The following SPINK6 variants were observed in gnomAD, a reference collection of about 807,000 sequenced individuals.
SPINK6 encodes serine peptidase inhibitor Kazal type 6.
SPINK6 carries 13 observed loss-of-function variants against 11.7 expected under a neutral mutation model. The observed-to-expected ratio is 1.11, with a 90% CI of 0.72 to 1.76. The LOEUF is 1.76. Among genes scored for constraint, SPINK6 ranks in the 40% most tolerant of loss-of-function variants. The probability of loss-of-function intolerance (pLI) is 0.00; values close to 1 mark genes in which losing one functional copy is unlikely to be tolerated. For synonymous variants in SPINK6, 21 were observed against 31.9 expected (o/e 0.66, Z 1.15); for missense variants, 98 against 93.7 (o/e 1.05, Z -0.19).
At chr5:148,214,090 C>A (rs1043882622) in intron 3 of SPINK6, 65 bp downstream of exon 3, 1 of 994,720 alleles carries the variant, frequency 1.0e-6, no homozygotes, top group Non-Finnish European at 1.5e-6. Context: ...GACTAAGACA[C>A]TTTTTCGAGG....
intron 2 of SPINK6, 138 bp downstream of exon 2, chr5:148,206,196 T>G: frequency 1.3e-6 from 1 of 785,274 alleles, no homozygotes; most frequent in South Asian, 1.9e-5. Context: ...CAGCAGAAAT[T>G]ATTATTCTTT....
At chr5:148,209,992 A>ACACACGTACGTATGTATGTATACG in intron 2 of SPINK6, among the ~76,000 whole-genome samples, 1 of 145,764 alleles carries the variant, frequency 6.9e-6, no homozygotes, top group Admixed American at 6.8e-5. Context: ...ATGTATACAT[A>ACACACGTACGTATGTATGTATACG]TACACGTATG....
chr5:148,205,120 CCTTAT>C (rs1406503222), intron 1 of SPINK6, among the ~76,000 whole-genome samples: 1 of 152,150 alleles, frequency 6.6e-6, no homozygotes, highest in Non-Finnish European at 1.5e-5. Flanking sequence ...CTTGTTTTCT[CCTTAT>C]CTTTATTATT....
rs1398978551 is a variant in SPINK6, at chr5:148,209,991, T to TACACACGTATGTATGTATGTATAC, written c.82-3918_82-3917insCACACGTATGTATGTATGTATACA. ...ACATACGTACGTATGTATGTATACA[T>TACACACGTATGTATGTATGTATAC]ATACACGTATGTATACATGTATGTA... On this transcript the variant is annotated intron_variant, in intron 2 of 3. Transcript: ENST00000325630. Among the ~76,000 whole-genome samples the TACACACGTATGTATGTATGTATAC allele has an allele frequency of 4.8e-5, 7 of 145,400 alleles. 1 individual carries two copies. The highest frequency in any genetic ancestry group is 7.6e-5 in the Non-Finnish European group (5 of 65,970).
chr5:148,207,790 T>C (rs1755519897), intron 2 of SPINK6, among the ~76,000 whole-genome samples: 1 of 152,210 alleles, frequency 6.6e-6, no homozygotes, highest in South Asian at 2.1e-4. Context: ...ATTGTGCCAC[T>C]GCAGAGTGTT....
At position 148,203,084 on chromosome 5, in the gene SPINK6, G is replaced by C; in HGVS notation, c.-13G>C. On this transcript the variant is annotated 5_prime_UTR_variant, in exon 1 of 4. Coordinates refer to ENST00000325630, the MANE Select transcript of SPINK6 (RefSeq NM_205841.4). ...GACAAAGCAGCCTTGATCTGAGTGA[G>C]CTAACTGACACAATGAAACTGTCAG... The C allele has an allele frequency of 6.2e-7, 1 of 1,606,214 alleles. No individual in the cohort carries two copies.
chr5:148,213,021 T>C (rs1561733998), intron 2 of SPINK6, among the ~76,000 whole-genome samples: 1 of 149,314 alleles, frequency 6.7e-6, no homozygotes, highest in East Asian at 2.0e-4. Context: ...AGAGATAGAG[T>C]ATATATATAC....
chr5:148,205,226 T>C (rs550270257), intron 1 of SPINK6, among the ~76,000 whole-genome samples: 115 of 152,178 alleles, frequency 7.6e-4, no homozygotes, highest in Admixed American at 2.6e-3. Flanking sequence ...CTCTCTCTCA[T>C]TGCAGTGCTC....
intron 2 of SPINK6, among the ~76,000 whole-genome samples, chr5:148,209,052 T>G (rs1341792456): frequency 2.6e-5 from 4 of 152,344 alleles, no homozygotes; most frequent in South Asian, 4.1e-4. Flanking sequence ...GCTTGTATTT[T>G]AAGATAAGAA....
At chr5:148,204,211 C>G (rs1755469702) in intron 1 of SPINK6, among the ~76,000 whole-genome samples, 1 of 151,684 alleles carries the variant, frequency 6.6e-6, no homozygotes, top group Non-Finnish European at 1.5e-5. Flanking sequence ...ATTACAAAAA[C>G]AAATACACTT....
Position 148,214,009 on chromosome 5 carries a change from T to C in SPINK6, c.181T>C (p.Phe61Leu), listed in dbSNP as rs1755650160. 2 of 1,607,382 alleles carry C rather than the reference T, an allele frequency of 1.2e-6. No homozygotes were observed. Among genetic ancestry groups the C allele is most frequent in the African/African-American group, 2.7e-5 (2 of 74,934 alleles). ...DGQTYGNKCA[F>L]CKAIVKSGGK... ...CCAGACATATGGCAATAAATGTGCC[T>C]TCTGTAAGGCCATAGTGTAAGTATT... The change falls in exon 3 of 4, where the codon TTC (phenylalanine) becomes CTC (leucine). Residue 61 changes from phenylalanine to leucine, a missense_variant. Coordinates refer to ENST00000325630, the MANE Select transcript of SPINK6 (RefSeq NM_205841.4).
intron 2 of SPINK6, among the ~76,000 whole-genome samples, chr5:148,211,185 T>C (rs1240804415): frequency 6.6e-6 from 1 of 152,150 alleles, no homozygotes; most frequent in Non-Finnish European, 1.5e-5. Context: ...CATATTAAAA[T>C]GTCTCATAGA....
Position 148,214,822 on chromosome 5 carries a change from G to A in SPINK6, c.198-83G>A, listed in dbSNP as rs77880669. ...AGAATCAAATAATTAAATGGACCAT[G>A]CCATTGTTAAATATGTTTAGAACTT... On this transcript the variant is annotated intron_variant, in intron 3 of 3. Coordinates refer to ENST00000325630, the MANE Select transcript of SPINK6 (RefSeq NM_205841.4). The A allele has an allele frequency of 8.6e-3, 8,864 of 1,035,766 alleles. 605 individuals are homozygous for A. In the East Asian group the frequency reaches 0.16, roughly 19 times the overall value. The allele number at this position is 1,035,766 out of a possible 1,614,324, so 64.2% of individuals were successfully genotyped here. A position where few individuals can be genotyped will look rare whatever the true frequency, so the allele number is the denominator to read the frequency against.
At chr5:148,213,336 C>T (rs181918206) in intron 2 of SPINK6, among the ~76,000 whole-genome samples, 219 of 152,018 alleles carry the variant, frequency 1.4e-3, no homozygotes, top group Middle Eastern at 3.4e-3. Flanking sequence ...CTCAGCCTCC[C>T]GAGGTGCCCG....
At chr5:148,213,428 TG>T (rs55964430) in intron 2 of SPINK6, among the ~76,000 whole-genome samples, 113,800 of 151,786 alleles carry the variant, frequency 0.75, 47,162 homozygotes, top group Middle Eastern at 0.93. Context: ...CTCCATCTCC[TG>T]ACCTCGTGAT....
chr5:148,213,067 T>G (rs1206846481), intron 2 of SPINK6, among the ~76,000 whole-genome samples: 1 of 151,256 alleles, frequency 6.6e-6, no homozygotes, highest in Non-Finnish European at 1.5e-5. Context: ...CTATATATAT[T>G]AGTTTATGTG....
chr5:148,210,899 C>A (rs114439722), intron 2 of SPINK6, among the ~76,000 whole-genome samples: 219 of 152,178 alleles, frequency 1.4e-3, no homozygotes, highest in Middle Eastern at 3.4e-3. Context: ...GCAATTAGGA[C>A]AACAGATATG....
intron 2 of SPINK6, among the ~76,000 whole-genome samples, chr5:148,210,719 A>G (rs1181538873): frequency 6.6e-6 from 1 of 152,120 alleles, no homozygotes; most frequent in Non-Finnish European, 1.5e-5. Flanking sequence ...ACATATAATG[A>G]AAGTCTGGAA....
chr5:148,213,549 G>A (rs1315565792), intron 2 of SPINK6, among the ~76,000 whole-genome samples: 1 of 152,056 alleles, frequency 6.6e-6, no homozygotes, highest in Non-Finnish European at 1.5e-5. Flanking sequence ...ACATTAATAT[G>A]ATGTTTAAAA....
Sources: allele counts gnomAD v4.1 joint callset (sites outside exome capture counted in the v4.1 genomes callset), GRCh38; gene constraint gnomAD v4.1.1; transcripts MANE v1.5; gene names NCBI Gene and HGNC (gene_info 2026-07-23, HGNC 2026-07-21).